Variants in CATSPERE observed in about 807,000 individuals in gnomAD.
CATSPERE encodes the protein catsper channel auxiliary subunit epsilon, also known as cation channel sperm-associated auxiliary subunit epsilon.
Under a neutral mutation model 114.1 loss-of-function variants are expected in CATSPERE, and 93 were observed. That is an observed-to-expected ratio of 0.81 (90% CI 0.69 to 0.97). The LOEUF is 0.97. CATSPERE is among the 50% of genes least tolerant of loss of function. The pLI is 0.00. For missense variants in CATSPERE, 1,058 were observed against 1,131.6 expected (o/e 0.93, Z 0.93); for synonymous variants, 341 against 384.1 (o/e 0.89, Z 1.31).
intron 19 of CATSPERE, among the ~76,000 whole-genome samples, chr1:244,612,469 C>T (rs1043107294): frequency 6.6e-6 from 1 of 152,108 alleles, no homozygotes; most frequent in East Asian, 1.9e-4. Context: ...GACTCATAAG[C>T]AAGCGTGGCA....
rs1372543961 is a variant in CATSPERE at position 244,572,796 on chromosome 1, T to C, written c.1950+24T>C. The C allele has an allele frequency of 1.4e-6, 2 of 1,453,898 alleles. 1 individual carries two copies. Among genetic ancestry groups the C allele is most frequent in the Middle Eastern group, 3.8e-4 (2 of 5,308 alleles). 90.1% of individuals were successfully genotyped at this position (1,453,898 alleles called of 1,614,324 possible). On this transcript the variant is annotated intron_variant, in intron 11 of 21. Coordinates refer to ENST00000366534, the MANE Select transcript of CATSPERE (RefSeq NM_001130957.2). ...TGGTAAGCTAATATTTTAAATTTCT[T>C]CATTTGATTTTAATAAGTATAAAAG... is the stretch of plus-strand genomic sequence containing the variant.
chr1:244,585,654 C>T (rs978170959), intron 13 of CATSPERE, among the ~76,000 whole-genome samples: 6 of 152,232 alleles, frequency 3.9e-5, no homozygotes, highest in Non-Finnish European at 7.3e-5. Context: ...TGTGTAGACA[C>T]AGAACCATGG....
At chr1:244,510,829 C>CT (rs1675594007) in intron 7 of CATSPERE, among the ~76,000 whole-genome samples, 2 of 86,162 alleles carry the variant, frequency 2.3e-5, no homozygotes, top group Non-Finnish European at 2.4e-5. Flanking sequence ...TTTTCTTTTT[C>CT]TTTTTCTTTT....
At chr1:244,636,226 G>A (rs1245160294) in intron 21 of CATSPERE, among the ~76,000 whole-genome samples, 1 of 152,172 alleles carries the variant, frequency 6.6e-6, no homozygotes, top group Non-Finnish European at 1.5e-5. Context: ...CTGAAGTTAG[G>A]ACCCCAAATG....
chr1:244,626,054 G>A (rs1342796439), intron 20 of CATSPERE, among the ~76,000 whole-genome samples: 1 of 152,072 alleles, frequency 6.6e-6, no homozygotes, highest in Non-Finnish European at 1.5e-5. Context: ...TAATTCTGAA[G>A]GGCCCTAGAA....
intron 12 of CATSPERE, among the ~76,000 whole-genome samples, chr1:244,582,812 G>A (rs556442937): frequency 5.3e-5 from 8 of 152,210 alleles, no homozygotes; most frequent in South Asian, 2.1e-4. Flanking sequence ...GAAAGATGAA[G>A]TTCTAGTGTC....
intron 1 of CATSPERE, among the ~76,000 whole-genome samples, chr1:244,455,920 T>G (rs1167342802): frequency 2.0e-5 from 3 of 152,210 alleles, no homozygotes; most frequent in Admixed American, 2.0e-4. Flanking sequence ...TTTAGGGGCA[T>G]CAGAAATTAC....
At chr1:244,532,638 A>G (rs1227584010) in intron 8 of CATSPERE, among the ~76,000 whole-genome samples, 1 of 152,020 alleles carries the variant, frequency 6.6e-6, no homozygotes. Flanking sequence ...TCAGGAGCGT[A>G]TTGTTTAAAT....
chr1:244,527,176 TAGG>T (rs995490464), intron 8 of CATSPERE, among the ~76,000 whole-genome samples: 7 of 152,118 alleles, frequency 4.6e-5, no homozygotes, highest in Non-Finnish European at 1.0e-4. Flanking sequence ...CAAAATTTAT[TAGG>T]GGGTAATTTC....
At chr1:244,537,543 G>A (rs1680558938) in intron 8 of CATSPERE, among the ~76,000 whole-genome samples, 1 of 152,186 alleles carries the variant, frequency 6.6e-6, no homozygotes, top group South Asian at 2.1e-4. Context: ...AGTTTCTAGA[G>A]AATTAGCATT....
chr1:244,460,218 T>G (rs575747135), upstream of CATSPERE, among the ~76,000 whole-genome samples: 1 of 152,340 alleles, frequency 6.6e-6, no homozygotes, highest in East Asian at 1.9e-4. Flanking sequence ...CTAGATTGCC[T>G]TTGTAGGACT....
upstream of CATSPERE, among the ~76,000 whole-genome samples, chr1:244,458,949 C>T (rs1666400666): frequency 6.6e-6 from 1 of 152,144 alleles, no homozygotes; most frequent in Admixed American, 6.6e-5. Flanking sequence ...AGTGTCTGTG[C>T]AAGGTTCCTG....
chr1:244,601,484 G>A (rs1395326681), intron 17 of CATSPERE, among the ~76,000 whole-genome samples: 1 of 152,130 alleles, frequency 6.6e-6, no homozygotes, highest in Non-Finnish European at 1.5e-5. Context: ...AAGAAAAAGG[G>A]AAAATCACAT....
At chr1:244,479,815 T>C (rs754079378) in intron 5 of CATSPERE, 31 bp downstream of exon 5, 2 of 1,256,118 alleles carry the variant, frequency 1.6e-6, no homozygotes, top group South Asian at 1.5e-5. Flanking sequence ...TAGGTAATTA[T>C]GCTTTTAAAG....
intron 19 of CATSPERE, among the ~76,000 whole-genome samples, chr1:244,613,220 T>C (rs1325678500): frequency 6.6e-6 from 1 of 152,160 alleles, no homozygotes; most frequent in Non-Finnish European, 1.5e-5. Context: ...GTAGGACAAG[T>C]TTCACAGTTT....
At chr1:244,572,840 G>A (rs1032733124) in intron 11 of CATSPERE, 68 bp downstream of exon 11, 5 of 1,057,524 alleles carry the variant, frequency 4.7e-6, no homozygotes, top group East Asian at 2.8e-5. Flanking sequence ...TAACATTTTT[G>A]TAAATGGATT....
At chr1:244,587,610 A>G (rs1225943574) in intron 13 of CATSPERE, among the ~76,000 whole-genome samples, 1 of 152,254 alleles carries the variant, frequency 6.6e-6, no homozygotes, top group East Asian at 1.9e-4. Flanking sequence ...AAAAGCAATT[A>G]TGAGTAATGT....
rs925707577 is a variant in CATSPERE, at chr1:244,559,316, C to G, written c.1030-1352C>G. On this transcript the variant is annotated intron_variant, in intron 9 of 21. Transcript: ENST00000366534. Reference sequence around the variant, plus strand: ...CGTGAATCCACATTTAGCAAAATGACCTTTTATCCCAAATTGTGTCTTTCT... The same window carrying G: ...CGTGAATCCACATTTAGCAAAATGAGCTTTTATCCCAAATTGTGTCTTTCT... Among the ~76,000 whole-genome samples the G allele has an allele frequency of 2.6e-5, 4 of 152,250 alleles. 1 individual carries two copies. The highest frequency in any genetic ancestry group is 6.8e-3 in the Middle Eastern group (2 of 292).
At chr1:244,547,999 A>G (rs1356320380) in intron 8 of CATSPERE, among the ~76,000 whole-genome samples, 1 of 152,260 alleles carries the variant, frequency 6.6e-6, no homozygotes, top group Non-Finnish European at 1.5e-5. Context: ...GCTGCAGCCA[A>G]TGGTTTGGCT....
Sources: allele counts gnomAD v4.1 joint callset (sites outside exome capture counted in the v4.1 genomes callset), GRCh38; gene constraint gnomAD v4.1.1; transcripts MANE v1.5; gene names NCBI Gene and HGNC (gene_info 2026-07-23, HGNC 2026-07-21).